The following EXOC4 variants were observed in gnomAD, a reference collection of about 807,000 sequenced individuals.
EXOC4 encodes the protein SEC8-like 1.
A neutral mutation model predicts 107.2 loss-of-function variants in EXOC4; 71 were observed. The ratio of observed to expected loss-of-function variants is 0.66; its 90% CI spans 0.55 to 0.81. The LOEUF (loss-of-function observed/expected upper bound fraction) is 0.81, where lower values mean the gene tolerates loss of function less well. Among genes scored for constraint, EXOC4 ranks in the 30% least tolerant of loss-of-function variants. The probability of loss-of-function intolerance (pLI) is 0.00; values close to 1 mark genes in which losing one functional copy is unlikely to be tolerated. For synonymous variants in EXOC4, 456 were observed against 441.2 expected (o/e 1.03, Z -0.42); for missense variants, 1,108 against 1,189.6 (o/e 0.93, Z 1.01).
At chr7:133,965,115 G>A (rs1445624552) in intron 14 of EXOC4, among the ~76,000 whole-genome samples, 1 of 152,078 alleles carries the variant, frequency 6.6e-6, no homozygotes, top group Non-Finnish European at 1.5e-5. Flanking sequence ...TTTGTTGGCT[G>A]CATGAATGTC....
chr7:133,729,966 C>T (rs1004247177), intron 10 of EXOC4, among the ~76,000 whole-genome samples: 7 of 151,560 alleles, frequency 4.6e-5, no homozygotes, highest in African/African-American at 1.5e-4. Context: ...ATAAAGTAAT[C>T]GACCTTTAGA....
intron 11 of EXOC4, among the ~76,000 whole-genome samples, chr7:133,879,932 T>G (rs1174133856): frequency 6.6e-6 from 1 of 152,176 alleles, no homozygotes. Context: ...TTCCACAAGC[T>G]GGCACCCCCA....
intron 14 of EXOC4, among the ~76,000 whole-genome samples, chr7:133,940,435 T>G (rs1027737353): frequency 7.9e-5 from 12 of 152,240 alleles, no homozygotes; most frequent in Non-Finnish European, 5.9e-5. Flanking sequence ...CTCAGTTCCA[T>G]TTTATAATAT....
the EXOC4 span, among the ~76,000 whole-genome samples, chr7:134,081,772 G>A: frequency 6.6e-6 from 1 of 152,178 alleles, no homozygotes; most frequent in Non-Finnish European, 1.5e-5. Context: ...ACACAAGGCA[G>A]GATGGGGAGA....
At chr7:133,924,485 T>C (rs1800008259) in intron 13 of EXOC4, among the ~76,000 whole-genome samples, 1 of 152,200 alleles carries the variant, frequency 6.6e-6, no homozygotes, top group Non-Finnish European at 1.5e-5. Flanking sequence ...CCCTTCATGC[T>C]TCTGATTTAA....
Position 133,598,963 on chromosome 7 carries a change from G to A in EXOC4, c.1418-31082G>A, listed in dbSNP as rs186016479. ...CGCGCCACTGCATTCCAGCCTGGGC[G>A]ACAGAGTGAGACTCCATCTCCAATA... On this transcript the variant is annotated intron_variant, in intron 9 of 17. Transcript: ENST00000253861. Among the ~76,000 whole-genome samples, 244 of 152,094 alleles carry A rather than the reference G, an allele frequency of 1.6e-3. 1 individual carries two copies. The highest frequency in any genetic ancestry group is 5.7e-3 in the African/African-American group (237 of 41,474).
At chr7:133,722,607 C>G (rs561349622) in intron 10 of EXOC4, among the ~76,000 whole-genome samples, 2 of 152,226 alleles carry the variant, frequency 1.3e-5, no homozygotes, top group Admixed American at 6.5e-5. Context: ...ATAACTGTTA[C>G]GTACTTCACC....
At chr7:133,515,496 T>G (rs1408823897) in intron 9 of EXOC4, among the ~76,000 whole-genome samples, 1 of 152,088 alleles carries the variant, frequency 6.6e-6, no homozygotes, top group African/African-American at 2.4e-5. Context: ...AGAGAGACTG[T>G]TTCATTCTGT....
chr7:133,301,719 T>C (rs1173561926), intron 3 of EXOC4, among the ~76,000 whole-genome samples: 2 of 152,246 alleles, frequency 1.3e-5, no homozygotes, highest in East Asian at 3.8e-4. Flanking sequence ...ACCTTATTTC[T>C]ATTCACAAAC....
chr7:133,912,690 A>G (rs761918612), intron 12 of EXOC4, among the ~76,000 whole-genome samples: 1 of 152,194 alleles, frequency 6.6e-6, no homozygotes, highest in Non-Finnish European at 1.5e-5. Context: ...CTAGGGACAG[A>G]AAAACTAAGA....
chr7:133,384,198 A>G (rs1276700357), intron 7 of EXOC4, among the ~76,000 whole-genome samples: 1 of 152,128 alleles, frequency 6.6e-6, no homozygotes, highest in East Asian at 1.9e-4. Context: ...ATCTGAATAC[A>G]TTGCGGCAAA....
chr7:133,851,572 G>A (rs1798241077), intron 11 of EXOC4, among the ~76,000 whole-genome samples: 1 of 152,188 alleles, frequency 6.6e-6, no homozygotes. Context: ...GCCAGGGAGT[G>A]AATGAAGATC....
chr7:133,685,080 A>C (rs369267919), intron 10 of EXOC4, among the ~76,000 whole-genome samples: 1 of 152,196 alleles, frequency 6.6e-6, no homozygotes, highest in East Asian at 1.9e-4. Flanking sequence ...GTCTTCTAAA[A>C]CATGAGTTCA....
intron 10 of EXOC4, among the ~76,000 whole-genome samples, chr7:133,812,266 T>C (rs888186163): frequency 6.6e-6 from 1 of 152,258 alleles, no homozygotes; most frequent in Non-Finnish European, 1.5e-5. Flanking sequence ...AGTTACTGTG[T>C]GCCGGTCTCT....
rs529954902 is a variant in EXOC4, at chr7:134,065,498, C to A, written c.*970C>A. On this transcript the variant is annotated 3_prime_UTR_variant, in exon 18 of 18. Coordinates refer to ENST00000253861, the MANE Select transcript of EXOC4 (RefSeq NM_021807.4). ...CCCTCCCCCGCAATGTGGGCACTTACCATGTTCCTGGCACACTGGACCTCA... is the reference window on the plus strand; with the variant it reads ...CCCTCCCCCGCAATGTGGGCACTTAACATGTTCCTGGCACACTGGACCTCA... 1 of 152,460 alleles carries A rather than the reference C, an allele frequency of 6.6e-6. No individual in the cohort carries two copies. The highest frequency in any genetic ancestry group is 2.4e-5 in the African/African-American group (1 of 41,548). The allele number at this position is 152,460 out of a possible 1,614,324, so 9.4% of individuals were successfully genotyped here. A position where few individuals can be genotyped will look rare whatever the true frequency, so the allele number is the denominator to read the frequency against.
intron 10 of EXOC4, among the ~76,000 whole-genome samples, chr7:133,746,746 A>G (rs796082849): frequency 2.6e-5 from 4 of 152,236 alleles, no homozygotes; most frequent in Non-Finnish European, 5.9e-5. Flanking sequence ...TTCAAACAGA[A>G]TGCAGAAACC....
intron 10 of EXOC4, among the ~76,000 whole-genome samples, chr7:133,684,965 A>G (rs1462375581): frequency 6.6e-6 from 1 of 152,160 alleles, no homozygotes; most frequent in African/African-American, 2.4e-5. Flanking sequence ...AAAAAATCCA[A>G]TCAGCAAAGG....
At chr7:133,772,741 A>G (rs1354813090) in intron 10 of EXOC4, among the ~76,000 whole-genome samples, 3 of 152,032 alleles carry the variant, frequency 2.0e-5, no homozygotes, top group Admixed American at 6.6e-5. Context: ...TGGTCTGCAA[A>G]CAAGGACATT....
chr7:133,683,686 C>G (rs1794235033), intron 10 of EXOC4, among the ~76,000 whole-genome samples: 1 of 152,086 alleles, frequency 6.6e-6, no homozygotes, highest in Admixed American at 6.6e-5. Context: ...ATTCCTACCC[C>G]ACATAGCACA....
Sources: gnomAD v4.1 joint callset for allele counts (sites outside exome capture counted in the v4.1 genomes callset) on GRCh38, gnomAD v4.1.1 for gene constraint, MANE v1.5 for transcripts, NCBI Gene and HGNC (gene_info 2026-07-23, HGNC 2026-07-21) for gene names.